SPTAN1: variants seen among roughly 807,000 people sequenced by gnomAD.
SPTAN1 encodes spectrin alpha, non-erythrocytic 1, also known as spectrin alpha chain, non-erythrocytic 1.
Under a neutral mutation model 331.3 loss-of-function variants are expected in SPTAN1, and 61 were observed. The observed-to-expected ratio is 0.18, with a 90% CI of 0.15 to 0.23. The LOEUF (loss-of-function observed/expected upper bound fraction) is 0.23. Among genes scored for constraint, SPTAN1 ranks in the 10% least tolerant of loss-of-function variants. The pLI, the probability that SPTAN1 is intolerant of heterozygous loss-of-function variation, is 1.00. For missense variants in SPTAN1, 2,043 were observed against 3,147.9 expected (o/e 0.65, Z 8.40); for synonymous variants, 1,153 against 1,173.9 (o/e 0.98, Z 0.36).
At chr9:128,608,796 TC>T (rs1418384834) in intron 34 of SPTAN1, 77 bp from the exon 35 acceptor site, 6 of 1,382,026 alleles carry the variant, frequency 4.3e-6, no homozygotes, top group African/African-American at 1.4e-5. Flanking sequence ...AAAATAACTA[TC>T]CTTTTCTCAA....
At chr9:128,565,545 C>T (rs1163008919) in intron 1 of SPTAN1, among the ~76,000 whole-genome samples, 1 of 152,198 alleles carries the variant, frequency 6.6e-6, no homozygotes, top group Non-Finnish European at 1.5e-5. Flanking sequence ...CAGTGCCTTC[C>T]TACCACCAAT....
In SPTAN1 at chr9:128,624,497, G is replaced by A; in HGVS notation, c.5992+10G>A. 1 of 1,612,538 alleles carries A rather than the reference G, an allele frequency of 6.2e-7. No individual in the cohort carries two copies. Among genetic ancestry groups the A allele is most frequent in the Non-Finnish European group, 8.5e-7 (1 of 1,179,978 alleles). ...GTGGAGTCCTGGATCGGTGAGCACT[G>A]TCAGCAAGGCCCGGAAGAGCCTTCC... On this transcript the variant is annotated intron_variant, in intron 46 of 56. Transcript: ENST00000372739.
At chr9:128,571,925 C>A (rs1000528854) in intron 3 of SPTAN1, among the ~76,000 whole-genome samples, 1 of 152,176 alleles carries the variant, frequency 6.6e-6, no homozygotes, top group Non-Finnish European at 1.5e-5. Flanking sequence ...GGCACAATCT[C>A]AGCTAACTGC....
chr9:128,623,466 TTTTG>T (rs1248180722), intron 45 of SPTAN1, among the ~76,000 whole-genome samples: 2 of 150,990 alleles, frequency 1.3e-5, no homozygotes, highest in Non-Finnish European at 3.0e-5. Context: ...CATTCGTTTT[TTTTG>T]TTTGAGACAG....
chr9:128,633,052 G>A, intron 56 of SPTAN1, 97 bp downstream of exon 56: 3 of 1,593,914 alleles, frequency 1.9e-6, no homozygotes, highest in South Asian at 1.1e-5. Context: ...CCTGCGCTGG[G>A]TATTCTCCCC....
Position 128,607,655 on chromosome 9 carries a change from G to C in SPTAN1, c.4098G>C (p.Glu1366Asp). Residue 1366 changes from glutamate to aspartate, a missense_variant, in exon 32 of 57, where the codon GAG (glutamate) becomes GAC (aspartate). By Grantham distance (45) the Glu-to-Asp change is conservative. Around this residue, in one of 12 missense-constraint regions of SPTAN1, gnomAD observed 179 missense variants for 215.7 expected, o/e 0.83. Coordinates refer to ENST00000372739, the MANE Select transcript of SPTAN1 (RefSeq NM_001130438.3). ...NGIRGLVSSDELAKDVTGAEA... is the reference protein window; with the variant it reads ...NGIRGLVSSDDLAKDVTGAEA... ...TACGGGGGTTGGTGTCCTCAGATGA[G>C]CTAGCCAAGGATGTCACCGGAGCTG... 1 of 1,614,102 alleles carries C rather than the reference G, an allele frequency of 6.2e-7. No homozygotes were observed. The highest frequency in any genetic ancestry group is 8.5e-7 in the Non-Finnish European group (1 of 1,180,028).
chr9:128,584,199 G>A lies in SPTAN1; in HGVS notation c.2194-83G>A. The A allele has an allele frequency of 4.4e-6, 7 of 1,600,842 alleles. No homozygotes were observed. In the Middle Eastern group the frequency reaches 1.2e-3, roughly 264 times the overall value. On this transcript the variant is annotated intron_variant, in intron 16 of 56. Coordinates refer to ENST00000372739, the MANE Select transcript of SPTAN1 (RefSeq NM_001130438.3). ...AGCAGAAAGAATCCTCTCAGGAATGGAAAAAAGACCTTATCAATTTTTCTC... is the reference window on the plus strand; with the variant it reads ...AGCAGAAAGAATCCTCTCAGGAATGAAAAAAAGACCTTATCAATTTTTCTC...
intron 29 of SPTAN1, among the ~76,000 whole-genome samples, 169 bp from the exon 30 acceptor site, chr9:128,604,865 G>A (rs763114925): frequency 5.9e-5 from 9 of 152,148 alleles, no homozygotes; most frequent in African/African-American, 1.7e-4. Context: ...CGGTGGGGGC[G>A]GAGGTTGCAG....
At chr9:128,581,261 A>G (rs1237013653) in intron 11 of SPTAN1, among the ~76,000 whole-genome samples, 1 of 152,218 alleles carries the variant, frequency 6.6e-6, no homozygotes, top group Non-Finnish European at 1.5e-5. Context: ...AAAAGGCCCC[A>G]GCTTTTCAGA....
At position 128,568,756 on chromosome 9, in the gene SPTAN1, C is replaced by T; in HGVS notation, c.238-16C>T. 6.2e-7 allele frequency: 1 copy of T among 1,613,848 alleles called. No individual in the cohort carries two copies. Among genetic ancestry groups the T allele is most frequent in the Non-Finnish European group, 8.5e-7 (1 of 1,179,900 alleles). ...GTGTGGTTGCGTCTGAGGCTCACTT[C>T]AAGGTCCGCCAACAGGGAAAGCTTC... On this transcript the variant is annotated splice_polypyrimidine_tract_variant and intron_variant, in intron 2 of 56. Transcript: ENST00000372739.
chr9:128,625,782 C>T lies in SPTAN1; in HGVS notation c.6083C>T (p.Ala2028Val). 6.2e-7 allele frequency: 1 copy of T among 1,614,140 alleles called. No homozygotes were observed. Among genetic ancestry groups the T allele is most frequent in the Non-Finnish European group, 8.5e-7 (1 of 1,180,040 alleles). ...CTCCTTGTTCAGGAAACTTTTGACG[C>T]TGGGCTGCAGGCCTTCCAGCAGGAA... ...TLLTKQETFD[A>V]GLQAFQQEGI... Residue 2028 changes from alanine (A) to valine (V), a missense_variant, in exon 48 of 57, where the codon GCT becomes GTT. Ala to Val is a moderately conservative substitution (Grantham distance 64). Coordinates refer to ENST00000372739, the MANE Select transcript of SPTAN1 (RefSeq NM_001130438.3). The surrounding 1 kb of genome is among the most constrained non-coding windows in gnomAD (Gnocchi z 4.1).
intron 10 of SPTAN1, 24 bp from the exon 11 acceptor site, chr9:128,580,898 G>A: frequency 6.2e-7 from 1 of 1,612,022 alleles, no homozygotes. Flanking sequence ...TCATCTCCCT[G>A]ACCATGTCTC....
At chr9:128,557,289 T>C (rs949156711) in intron 1 of SPTAN1, among the ~76,000 whole-genome samples, 11 of 152,212 alleles carry the variant, frequency 7.2e-5, no homozygotes, top group Non-Finnish European at 1.6e-4. Context: ...GCTGAAAGAA[T>C]GGCAATCCCA....
In SPTAN1 at chr9:128,583,098, A is replaced by G; in HGVS notation, c.1828A>G (p.Lys610Glu). 6.2e-7 allele frequency: 1 copy of G among 1,614,174 alleles called. No homozygotes were observed. The highest frequency in any genetic ancestry group is 1.1e-5 in the South Asian group (1 of 91,086). ...ACAGGATCCATCCAACCTACAAGGA[A>G]AAGTACAGAAGCATCAGGCTTTTGA... Reference protein sequence around the residue: ...AYKDPSNLQGKVQKHQAFEAE... With the variant: ...AYKDPSNLQGEVQKHQAFEAE... Residue 610 changes from lysine to glutamate, a missense_variant, in exon 15 of 57, where the codon AAA (lysine) becomes GAA (glutamate). By Grantham distance (56) the Lys-to-Glu change is moderately conservative. Around this residue, in one of 12 missense-constraint regions of SPTAN1, gnomAD observed 1,038 missense variants for 1,531.5 expected, o/e 0.68. Coordinates refer to ENST00000372739, the MANE Select transcript of SPTAN1 (RefSeq NM_001130438.3).
At chr9:128,622,541 C>T (rs183262348) in intron 45 of SPTAN1, among the ~76,000 whole-genome samples, 10 of 151,876 alleles carry the variant, frequency 6.6e-5, no homozygotes, top group East Asian at 1.9e-4. Flanking sequence ...TCAGGTGATC[C>T]GCCCTCCTCG....
In SPTAN1 at chr9:128,624,086, C is replaced by CA. The variant is rs11444346; in HGVS notation, c.5833-216dup. On this transcript the variant is annotated intron_variant, in intron 45 of 56. Coordinates refer to ENST00000372739, the MANE Select transcript of SPTAN1 (RefSeq NM_001130438.3). Reference sequence around the variant, plus strand: ...CGACGGAGTGAAATTCACTCCGTCTCAAAAAAAAAAAAAAAAAAAAAAAAA... The same window carrying CA: ...CGACGGAGTGAAATTCACTCCGTCTCAAAAAAAAAAAAAAAAAAAAAAAAAA... Among the ~76,000 whole-genome samples the CA allele has an allele frequency of 0.22, 14,818 of 66,304 alleles. 3,381 individuals carry two copies. Among genetic ancestry groups the CA allele is most frequent in the Non-Finnish European group, 0.39 (10,778 of 27,824 alleles). 43.5% of individuals were successfully genotyped at this position (66,304 alleles called of 152,430 possible). A position where few individuals can be genotyped will look rare whatever the true frequency, so the allele number is the denominator to read the frequency against.
intron 27 of SPTAN1, among the ~76,000 whole-genome samples, chr9:128,602,825 G>A (rs1411043496): frequency 2.0e-5 from 3 of 151,634 alleles, no homozygotes; most frequent in Admixed American, 6.6e-5. Flanking sequence ...TAGTGGAGAC[G>A]GGGTTTCACC....
chr9:128,622,661 C>A (rs1005458434), intron 45 of SPTAN1, among the ~76,000 whole-genome samples: 1 of 152,116 alleles, frequency 6.6e-6, no homozygotes, highest in Non-Finnish European at 1.5e-5. Context: ...TCTTTCAATT[C>A]TTTTTTCTTT....
At position 128,626,629 on chromosome 9, in the gene SPTAN1, C is replaced by A; in HGVS notation, c.6518C>A (p.Thr2173Asn). 1 of 1,613,792 alleles carries A rather than the reference C, an allele frequency of 6.2e-7. No homozygotes were observed. Among genetic ancestry groups the A allele is most frequent in the Non-Finnish European group, 8.5e-7 (1 of 1,179,910 alleles). ...TTCCGCGTAGCCTCCAACCCCTACA[C>A]CTGGTTTACCATGGAGGCCCTGGAG... ...KSFRVASNPY[T>N]WFTMEALEET... The change falls in exon 49 of 57, where the codon ACC becomes AAC. Residue 2173 changes from threonine (T) to asparagine (N), a missense_variant. Transcript: ENST00000372739.
Sources: allele counts gnomAD v4.1 joint callset (sites outside exome capture counted in the v4.1 genomes callset), GRCh38; gene constraint gnomAD v4.1.1; regional missense constraint gnomAD v4.1.1; non-coding constraint Gnocchi (gnomAD v3.1); transcripts MANE v1.5; gene names NCBI Gene and HGNC (gene_info 2026-07-23, HGNC 2026-07-21).